Variants in HPSE2 observed in about 807,000 individuals in gnomAD.
The protein encoded by HPSE2 is heparanase 2 (inactive).
A neutral mutation model predicts 60.5 loss-of-function variants in HPSE2; 38 were observed. The observed-to-expected ratio is 0.63, with a 90% CI of 0.48 to 0.82. HPSE2 has a LOEUF of 0.82. HPSE2 is among the 40% of genes least tolerant of loss of function. The probability of loss-of-function intolerance (pLI) is 0.00; values close to 1 mark genes in which losing one functional copy is unlikely to be tolerated. For synonymous variants in HPSE2, 295 were observed against 293.2 expected, an observed-to-expected ratio of 1.01 and a Z score of -0.06; for missense variants, 713 against 740.4, an observed-to-expected ratio of 0.96 and a Z score of 0.43.
At chr10:99,004,188 T>A (rs138772536) in intron 3 of HPSE2, among the ~76,000 whole-genome samples, 11 of 152,226 alleles carry the variant, frequency 7.2e-5, no homozygotes, top group African/African-American at 2.4e-4. Flanking sequence ...AGCTTTTTTT[T>A]AATCCATTCA....
chr10:99,258,584 T>C, the HPSE2 span, among the ~76,000 whole-genome samples: 1 of 152,164 alleles, frequency 6.6e-6, no homozygotes, highest in Non-Finnish European at 1.5e-5. Flanking sequence ...AAAACCAGTC[T>C]GAAAAAGGAC....
chr10:98,831,968 G>A (rs990667277), intron 3 of HPSE2, among the ~76,000 whole-genome samples: 2 of 152,192 alleles, frequency 1.3e-5, no homozygotes, highest in South Asian at 2.1e-4. Flanking sequence ...ACCGCTGATA[G>A]GTTTGATCCC....
intron 3 of HPSE2, among the ~76,000 whole-genome samples, chr10:98,898,000 GA>G (rs1276192203): frequency 2.6e-5 from 4 of 151,760 alleles, no homozygotes; most frequent in Admixed American, 2.6e-4. Flanking sequence ...CAACAATGAG[GA>G]AAAAAACCTC....
chr10:99,208,232 G>A (rs1352126238), intron 2 of HPSE2, among the ~76,000 whole-genome samples: 1 of 151,416 alleles, frequency 6.6e-6, no homozygotes, highest in Admixed American at 6.6e-5. Flanking sequence ...ACGAATCAAA[G>A]CAAAATACTA....
chr10:98,662,549 G>T (rs1262012022), intron 6 of HPSE2, among the ~76,000 whole-genome samples: 2 of 152,182 alleles, frequency 1.3e-5, no homozygotes, highest in African/African-American at 2.4e-5. Context: ...CTGGGATATA[G>T]TTGAGAGTGA....
Position 99,047,751 on chromosome 10 carries a change from C to A in HPSE2, c.610+96487G>T. The A allele has an allele frequency of 3.5e-6, 3 of 856,064 alleles. No homozygotes were observed. The South Asian group carries it at 3.9e-5, about 11-fold the overall frequency. 53.0% of individuals were successfully genotyped at this position (856,064 alleles called of 1,614,324 possible). ...ATCAAGTGCCTGAGAAAGAAGTTTG[C>A]CCAAAGGATGCTTCAAAAGGCAAGA... On this transcript the variant is annotated intron_variant, in intron 3 of 11. Coordinates refer to ENST00000370552, the MANE Select transcript of HPSE2 (RefSeq NM_021828.5).
chr10:98,881,880 T>A (rs1415325426), intron 3 of HPSE2, among the ~76,000 whole-genome samples: 2 of 152,072 alleles, frequency 1.3e-5, no homozygotes, highest in Non-Finnish European at 2.9e-5. Flanking sequence ...TATTCACTCC[T>A]CCCTCCCCTG....
chr10:99,009,295 C>CTA (rs895628889), intron 3 of HPSE2, among the ~76,000 whole-genome samples: 1 of 149,856 alleles, frequency 6.7e-6, no homozygotes, highest in Non-Finnish European at 1.5e-5. Context: ...GGTACATGCC[C>CTA]TGTAGGCCTA....
intron 3 of HPSE2, among the ~76,000 whole-genome samples, chr10:98,761,980 C>A (rs1281958130): frequency 6.6e-6 from 1 of 150,536 alleles, no homozygotes; most frequent in East Asian, 2.0e-4. Flanking sequence ...CCTTCCCTCC[C>A]CTCCCCTCCT....
intron 3 of HPSE2, among the ~76,000 whole-genome samples, chr10:98,775,967 G>C (rs1290193121): frequency 6.6e-6 from 1 of 152,006 alleles, no homozygotes; most frequent in Non-Finnish European, 1.5e-5. Context: ...AACCAAAACA[G>C]GTCATCAAGT....
At chr10:98,907,911 A>G (rs1011496292) in intron 3 of HPSE2, among the ~76,000 whole-genome samples, 2 of 152,140 alleles carry the variant, frequency 1.3e-5, no homozygotes, top group African/African-American at 4.8e-5. Flanking sequence ...TATATTGAAA[A>G]TCTCTTTCAC....
chr10:98,522,641 A>AT (rs974317475), intron 9 of HPSE2, among the ~76,000 whole-genome samples: 5 of 152,158 alleles, frequency 3.3e-5, no homozygotes, highest in East Asian at 1.9e-4. Context: ...TGCCCGGCTA[A>AT]TTTTTTTGGA....
At chr10:98,762,854 C>G (rs994740927) in intron 3 of HPSE2, among the ~76,000 whole-genome samples, 1 of 152,024 alleles carries the variant, frequency 6.6e-6, no homozygotes, top group African/African-American at 2.4e-5. Context: ...AGACAATCAG[C>G]AGAGGACAAT....
intron 3 of HPSE2, among the ~76,000 whole-genome samples, chr10:99,036,022 G>C (rs906018271): frequency 6.6e-6 from 1 of 152,036 alleles, no homozygotes; most frequent in Non-Finnish European, 1.5e-5. Context: ...ACCAGACAGG[G>C]CAACAAAGCA....
chr10:98,568,851 C>T (rs773207427), intron 9 of HPSE2, among the ~76,000 whole-genome samples: 10 of 152,104 alleles, frequency 6.6e-5, no homozygotes, highest in Admixed American at 2.6e-4. Context: ...TGGCAATCTA[C>T]TCATTGCTTT....
intron 3 of HPSE2, among the ~76,000 whole-genome samples, chr10:98,876,235 A>T (rs1952873940): frequency 6.6e-6 from 1 of 151,960 alleles, no homozygotes; most frequent in South Asian, 2.1e-4. Context: ...GAAGTAAAAA[A>T]AAAGTGGTCA....
intron 3 of HPSE2, among the ~76,000 whole-genome samples, chr10:98,745,646 T>A (rs1279025378): frequency 6.6e-6 from 1 of 152,224 alleles, no homozygotes; most frequent in Non-Finnish European, 1.5e-5. Flanking sequence ...CCCTTACTGC[T>A]TTTTAAAACA....
intron 9 of HPSE2, among the ~76,000 whole-genome samples, chr10:98,600,617 C>T (rs1488067090): frequency 6.6e-6 from 1 of 151,694 alleles, no homozygotes; most frequent in East Asian, 1.9e-4. Flanking sequence ...GAAAAAAAGA[C>T]AAACAGATGA....
intron 9 of HPSE2, among the ~76,000 whole-genome samples, chr10:98,537,753 C>T (rs1012262935): frequency 6.6e-6 from 1 of 152,162 alleles, no homozygotes; most frequent in Non-Finnish European, 1.5e-5. Flanking sequence ...TCAGGGAACA[C>T]TCTGCTCCAC....
Sources: gnomAD v4.1 joint callset for allele counts (sites outside exome capture counted in the v4.1 genomes callset) on GRCh38, gnomAD v4.1.1 for gene constraint, MANE v1.5 for transcripts, NCBI Gene and HGNC (gene_info 2026-07-23, HGNC 2026-07-21) for gene names.